The following JARID2 variants were observed in gnomAD, a reference collection of about 807,000 sequenced individuals.
JARID2 encodes jumonji and AT-rich interaction domain containing 2.
JARID2 carries 21 observed loss-of-function variants against 125.6 expected under a neutral mutation model. That is an observed-to-expected ratio of 0.17 (90% CI 0.12 to 0.24). JARID2 has a LOEUF of 0.24. JARID2 is among the 10% of genes least tolerant of loss of function. The pLI is 1.00. For synonymous variants in JARID2, 736 were observed against 661.6 expected, an observed-to-expected ratio of 1.11 and a Z score of -1.73; for missense variants, 1,303 against 1,639.6, an observed-to-expected ratio of 0.79 and a Z score of 3.55.
chr6:15,349,430 CAGA>C (rs1763352881), intron 1 of JARID2, among the ~76,000 whole-genome samples: 2 of 152,150 alleles, frequency 1.3e-5, no homozygotes, highest in South Asian at 2.1e-4. Flanking sequence ...TGGACGTTTT[CAGA>C]AGAATTATTT....
chr6:15,321,982 G>A (rs1394708509), intron 1 of JARID2, among the ~76,000 whole-genome samples: 2 of 151,646 alleles, frequency 1.3e-5, no homozygotes, highest in Admixed American at 6.6e-5. Flanking sequence ...TACTAGAGAC[G>A]GGGTTTCACC....
intron 1 of JARID2, among the ~76,000 whole-genome samples, chr6:15,257,815 GTT>G (rs1282969358): frequency 6.6e-6 from 1 of 152,158 alleles, no homozygotes; most frequent in Non-Finnish European, 1.5e-5. Context: ...TGTCAGTTGA[GTT>G]TTATTTAAGT....
At position 15,504,073 on chromosome 6, in the gene JARID2, G is replaced by A. The variant is rs1307505673; in HGVS notation, c.2449-427G>A. On this transcript the variant is annotated intron_variant, in intron 8 of 17. Transcript: ENST00000341776. ...TCTGTCTCTCCAGCTTCTCTCCTGT[G>A]GGATCCCTGGTCACGAGTTCCATCA... Among the ~76,000 whole-genome samples the A allele has an allele frequency of 2.0e-5, 3 of 152,304 alleles. No individual in the cohort carries two copies. The East Asian group carries it at 5.8e-4, about 29-fold the overall frequency.
intron 1 of JARID2, among the ~76,000 whole-genome samples, chr6:15,274,653 T>A (rs1440583814): frequency 6.6e-6 from 1 of 152,158 alleles, no homozygotes. Flanking sequence ...TTTTTGTGTG[T>A]GAAGGGGTGA....
At chr6:15,416,096 T>C (rs373050163) in intron 3 of JARID2, among the ~76,000 whole-genome samples, 1 of 150,106 alleles carries the variant, frequency 6.7e-6, no homozygotes, top group African/African-American at 2.5e-5. Context: ...GATGGGCGGC[T>C]GGGCAGAGAC....
rs551766500 is a variant in JARID2 at position 15,395,868 on chromosome 6, T to C, written c.182-14356T>C. 6.6e-5 allele frequency among the ~76,000 whole-genome samples: 10 copies of C among 152,188 alleles called. No individual in the cohort carries two copies. The South Asian group carries it at 2.1e-3, about 32-fold the overall frequency. ...TTAGTAGAGACAGGGTTTCATCATG[T>C]TGGCCAGGATGGTCTTAATCTCCTG... is the stretch of plus-strand genomic sequence containing the variant. On this transcript the variant is annotated intron_variant, in intron 2 of 17. Coordinates refer to ENST00000341776, the MANE Select transcript of JARID2 (RefSeq NM_004973.4).
chr6:15,282,330 A>G lies in JARID2; in HGVS notation c.45+35746A>G, dbSNP rs944171647. 5.3e-5 allele frequency among the ~76,000 whole-genome samples: 8 copies of G among 151,960 alleles called. No homozygotes were observed. The East Asian group carries it at 1.2e-3, about 22-fold the overall frequency. On this transcript the variant is annotated intron_variant, in intron 1 of 17. Transcript: ENST00000341776. ...CCACTAACAGCATATGAGAGTCTTTATTTTCCTCCCTTCTTGCCAACACTT... is the reference window on the plus strand; with the variant it reads ...CCACTAACAGCATATGAGAGTCTTTGTTTTCCTCCCTTCTTGCCAACACTT...
At chr6:15,518,626 T>C (rs996353551) in intron 17 of JARID2, among the ~76,000 whole-genome samples, 5 of 151,982 alleles carry the variant, frequency 3.3e-5, no homozygotes, top group African/African-American at 1.2e-4. Context: ...GGATTACAGG[T>C]GCCCGCCACT....
intron 1 of JARID2, among the ~76,000 whole-genome samples, chr6:15,330,869 GAA>G (rs1762683615): frequency 6.6e-6 from 1 of 152,184 alleles, no homozygotes; most frequent in Non-Finnish European, 1.5e-5. Flanking sequence ...TGGGGAGACA[GAA>G]TACTTCAAAG....
intron 1 of JARID2, among the ~76,000 whole-genome samples, chr6:15,312,268 TG>T (rs1297284509): frequency 3.3e-5 from 5 of 152,170 alleles, no homozygotes; most frequent in Non-Finnish European, 7.3e-5. Context: ...TTGGCCAGGC[TG>T]GGCTCGAACT....
chr6:15,512,868 G>T, intron 14 of JARID2, 47 bp from the exon 15 acceptor site: 1 of 1,590,368 alleles, frequency 6.3e-7, no homozygotes, highest in Non-Finnish European at 8.6e-7. Context: ...CTTGACAGCT[G>T]CCTAGTAATG....
chr6:15,305,211 G>C (rs1025406208), intron 1 of JARID2, among the ~76,000 whole-genome samples: 3 of 152,154 alleles, frequency 2.0e-5, no homozygotes, highest in Admixed American at 6.5e-5. Context: ...CGTGAAGAAG[G>C]ATTTTAAGAA....
intron 2 of JARID2, among the ~76,000 whole-genome samples, chr6:15,394,245 C>G (rs146284998): frequency 6.6e-6 from 1 of 152,216 alleles, no homozygotes; most frequent in Non-Finnish European, 1.5e-5. Flanking sequence ...CTCAGGCTTA[C>G]GCAGCCCTGG....
chr6:15,396,429 A>T (rs1765221159), intron 2 of JARID2, among the ~76,000 whole-genome samples: 1 of 152,222 alleles, frequency 6.6e-6, no homozygotes. Flanking sequence ...ACTATGATCC[A>T]CTAAGGTTTT....
intron 1 of JARID2, among the ~76,000 whole-genome samples, chr6:15,324,142 G>A (rs1762453869): frequency 1.3e-5 from 2 of 150,480 alleles, no homozygotes; most frequent in Admixed American, 6.6e-5. Flanking sequence ...TTGGGCCACT[G>A]CACTCCAGCC....
At chr6:15,358,484 CA>C (rs1763682067) in intron 1 of JARID2, among the ~76,000 whole-genome samples, 1 of 152,134 alleles carries the variant, frequency 6.6e-6, no homozygotes, top group South Asian at 2.1e-4. Context: ...CTCAGAGATT[CA>C]GGGTTAATGA....
Position 15,489,626 on chromosome 6 carries a change from C to G in JARID2, c.906+2084C>G, listed in dbSNP as rs535678871. Among the ~76,000 whole-genome samples the G allele has an allele frequency of 3.3e-5, 5 of 152,372 alleles. No individual in the cohort carries two copies. In the South Asian group the frequency reaches 1.0e-3, roughly 32 times the overall value. The stretch of plus-strand genomic sequence containing the variant: ...AAAGTACTGCCTTAGCCTGGGATGG[C>G]CCTGCCTGCCCCCATGCTCCATGGC... On this transcript the variant is annotated intron_variant, in intron 6 of 17. Coordinates refer to ENST00000341776, the MANE Select transcript of JARID2 (RefSeq NM_004973.4).
At chr6:15,373,709 A>C (rs557083526) in intron 1 of JARID2, among the ~76,000 whole-genome samples, 1 of 152,342 alleles carries the variant, frequency 6.6e-6, no homozygotes, top group East Asian at 1.9e-4. Flanking sequence ...AGCTCCGTAC[A>C]TATTTCTGTT....
chr6:15,419,109 T>A (rs2127584103), intron 3 of JARID2, among the ~76,000 whole-genome samples: 1 of 152,332 alleles, frequency 6.6e-6, no homozygotes, highest in Admixed American at 6.5e-5. Flanking sequence ...TATAATTTAC[T>A]ATTAAATGCA....
Sources: gnomAD v4.1 joint callset for allele counts (sites outside exome capture counted in the v4.1 genomes callset) on GRCh38, gnomAD v4.1.1 for gene constraint, MANE v1.5 for transcripts, NCBI Gene and HGNC (gene_info 2026-07-23, HGNC 2026-07-21) for gene names.